Variants in CFAP54 observed in about 807,000 individuals in gnomAD.
The protein encoded by CFAP54 is cilia- and flagella-associated protein 54.
A neutral mutation model predicts 370.4 loss-of-function variants in CFAP54; 290 were observed. The ratio of observed to expected loss-of-function variants is 0.78; its 90% confidence interval spans 0.71 to 0.86. The LOEUF is 0.86. Ranked by LOEUF, CFAP54 falls within the 40% of genes least tolerant of loss-of-function variation. The pLI is 0.00. For missense variants in CFAP54, 3,399 were observed against 3,528.7 expected (o/e 0.96, Z 0.93); for synonymous variants, 1,206 against 1,236.5 (o/e 0.98, Z 0.52).
chr12:96,752,095 AG>A, intron 55 of CFAP54, among the ~76,000 whole-genome samples: 1 of 136,832 alleles, frequency 7.3e-6, no homozygotes, highest in Non-Finnish European at 1.6e-5. Context: ...TGAGAGAGAG[AG>A]AGAGAGAGAG....
chr12:96,857,750 C>T (rs1735229065), intron 66 of CFAP54, among the ~76,000 whole-genome samples: 1 of 152,118 alleles, frequency 6.6e-6, no homozygotes, highest in South Asian at 2.1e-4. Context: ...TTTGTTCTCT[C>T]TTTTCTCCCA....
chr12:96,691,358 T>C, intron 44 of CFAP54, 48 bp downstream of exon 44: 1 of 1,356,134 alleles, frequency 7.4e-7, no homozygotes, highest in Non-Finnish European at 1.0e-6. Context: ...GATATTTTGC[T>C]CCACTTACCT....
intron 19 of CFAP54, among the ~76,000 whole-genome samples, chr12:96,573,209 G>A (rs1413256597): frequency 2.0e-5 from 3 of 152,178 alleles, no homozygotes; most frequent in African/African-American, 7.2e-5. Context: ...TTTTTCCTTA[G>A]GCTGATTTTG....
At chr12:96,717,931 A>G (rs554462471) in intron 48 of CFAP54, among the ~76,000 whole-genome samples, 8 of 152,362 alleles carry the variant, frequency 5.3e-5, no homozygotes, top group Admixed American at 4.6e-4. Context: ...CAGCCTTCTA[A>G]TATATGACAT....
chr12:96,784,611 G>A (rs1317569239), intron 60 of CFAP54, 106 bp from the exon 61 acceptor site: 4 of 809,438 alleles, frequency 4.9e-6, no homozygotes, highest in Non-Finnish European at 7.2e-6. Context: ...ATAGTATCAT[G>A]TGTCAGCATT....
At chr12:96,811,904 T>C in intron 64 of CFAP54, 62 bp downstream of exon 64, 1 of 1,009,632 alleles carries the variant, frequency 9.9e-7, no homozygotes, top group South Asian at 1.7e-5. Context: ...AATAGACTCT[T>C]TCAGTAATTG....
chr12:96,722,091 G>A (rs1172293113), intron 50 of CFAP54, among the ~76,000 whole-genome samples: 4 of 152,154 alleles, frequency 2.6e-5, no homozygotes, highest in African/African-American at 9.7e-5. Flanking sequence ...TTCAAACCAT[G>A]TAAGTCCTGG....
At chr12:96,513,798 A>G (rs76135985) in intron 5 of CFAP54, among the ~76,000 whole-genome samples, 2,589 of 152,230 alleles carry the variant, frequency 0.017, 79 homozygotes, top group African/African-American at 0.059. Context: ...ATGATAAACT[A>G]TGGTTACCCC....
Position 96,691,160 on chromosome 12 carries a change from A to T in CFAP54, c.6114A>T (p.Lys2038Asn). ...GLLRTTLPHP[K>N]AERCYAQYEI... ...TTAGAACAACACTTCCACATCCCAA[A>T]GCTGAACGTTGCTATGCTCAATATG... Residue 2038 changes from lysine (K) to asparagine (N), a missense_variant, in exon 44 of 68, where the codon AAA becomes AAT. Physicochemically the swap from Lys to Asn is moderately conservative, Grantham distance 94 (BLOSUM62 0). Coordinates refer to ENST00000524981, the MANE Select transcript of CFAP54 (RefSeq NM_001306084.2). 6.2e-7 allele frequency: 1 copy of T among 1,613,662 alleles called. No individual in the cohort carries two copies. The highest frequency in any genetic ancestry group is 8.5e-7 in the Non-Finnish European group (1 of 1,179,762).
intron 50 of CFAP54, among the ~76,000 whole-genome samples, chr12:96,722,102 C>T (rs1456490382): frequency 2.0e-5 from 3 of 152,196 alleles, no homozygotes; most frequent in Non-Finnish European, 2.9e-5. Flanking sequence ...TAAGTCCTGG[C>T]CCATGTGCAG....
chr12:96,826,521 A>T (rs1377645393), intron 65 of CFAP54, among the ~76,000 whole-genome samples: 1 of 84,800 alleles, frequency 1.2e-5, no homozygotes, highest in Admixed American at 1.8e-4. Flanking sequence ...ATAAATATAT[A>T]ATATATTATA....
At chr12:96,565,622 A>G (rs1304153817) in intron 19 of CFAP54, among the ~76,000 whole-genome samples, 1 of 152,158 alleles carries the variant, frequency 6.6e-6, no homozygotes, top group Admixed American at 6.5e-5. Flanking sequence ...AATTGAAGAT[A>G]ATAAGAGGGA....
intron 11 of CFAP54, among the ~76,000 whole-genome samples, chr12:96,535,203 C>A (rs1280418068): frequency 1.3e-5 from 2 of 151,942 alleles, no homozygotes; most frequent in African/African-American, 2.4e-5. Context: ...TGACTTGCCA[C>A]CATGCCCAGC....
chr12:96,588,043 A>C (rs1956089656), intron 22 of CFAP54, among the ~76,000 whole-genome samples: 1 of 152,242 alleles, frequency 6.6e-6, no homozygotes. Flanking sequence ...TAAAGTGCTT[A>C]GTCCAGTACT....
chr12:96,621,526 T>C (rs912030499), intron 26 of CFAP54, 64 bp from the exon 27 acceptor site: 5 of 1,103,312 alleles, frequency 4.5e-6, no homozygotes, highest in Non-Finnish European at 4.8e-6. Flanking sequence ...TGGAAAATGA[T>C]GCATTATACT....
At chr12:96,744,530 C>T (rs1246213940) in intron 55 of CFAP54, among the ~76,000 whole-genome samples, 1 of 152,040 alleles carries the variant, frequency 6.6e-6, no homozygotes, top group Non-Finnish European at 1.5e-5. Context: ...CTTAAATAAT[C>T]TGTTGTCTAG....
intron 66 of CFAP54, among the ~76,000 whole-genome samples, chr12:96,853,207 T>C (rs1959599845): frequency 6.6e-6 from 1 of 152,086 alleles, no homozygotes; most frequent in African/African-American, 2.4e-5. Context: ...AATGAATAAA[T>C]TGTATTACAT....
intron 55 of CFAP54, among the ~76,000 whole-genome samples, chr12:96,751,679 G>T (rs986678996): frequency 1.3e-5 from 2 of 152,124 alleles, no homozygotes; most frequent in African/African-American, 4.8e-5. Context: ...TCTAGCCTGG[G>T]ATCTAATCAC....
intron 17 of CFAP54, among the ~76,000 whole-genome samples, chr12:96,560,312 C>T (rs1002835483): frequency 2.0e-5 from 3 of 152,152 alleles, no homozygotes; most frequent in Admixed American, 2.0e-4. Context: ...AACCATCATT[C>T]GACTCTCTAC....
Sources: gnomAD v4.1 joint callset for allele counts (sites outside exome capture counted in the v4.1 genomes callset) on GRCh38, gnomAD v4.1.1 for gene constraint, MANE v1.5 for transcripts, NCBI Gene and HGNC (gene_info 2026-07-23, HGNC 2026-07-21) for gene names.